STAT4: variants seen among roughly 807,000 people sequenced by gnomAD.
STAT4 encodes the protein signal transducer and activator of transcription 4.
A neutral mutation model predicts 110.5 loss-of-function variants in STAT4; 42 were observed. That is an observed-to-expected ratio of 0.38 (90% CI 0.30 to 0.49). The LOEUF is 0.49. Ranked by LOEUF, STAT4 falls within the 20% of genes least tolerant of loss-of-function variation. STAT4 has a pLI of 0.95. For synonymous variants in STAT4, 284 were observed against 302.2 expected, an observed-to-expected ratio of 0.94 and a Z score of 0.63; for missense variants, 632 against 887.9, an observed-to-expected ratio of 0.71 and a Z score of 3.66.
chr2:191,039,305 G>A lies in STAT4; in HGVS notation c.1336-8C>T. On this transcript the variant is annotated splice_region_variant and splice_polypyrimidine_tract_variant and intron_variant, in intron 15 of 23. Transcript: ENST00000392320. This position sits in a 1 kb window ranked among gnomAD's most constrained non-coding sequence, Gnocchi z 4.7. Reference sequence around the variant, plus strand: ...CACAGGCAATGAGCTGGTCTGGTTTGGGGGGAAAAAAGCATAGTTATTACA... The same window carrying A: ...CACAGGCAATGAGCTGGTCTGGTTTAGGGGGAAAAAAGCATAGTTATTACA... The A allele has an allele frequency of 6.2e-7, 1 of 1,613,208 alleles. No homozygotes were observed. Among genetic ancestry groups the A allele is most frequent in the Non-Finnish European group, 8.5e-7 (1 of 1,179,262 alleles).
intron 14 of STAT4, among the ~76,000 whole-genome samples, chr2:191,045,606 C>G (rs765331875): frequency 1.7e-4 from 26 of 152,184 alleles, no homozygotes; most frequent in Non-Finnish European, 3.2e-4. Flanking sequence ...ATTACTAAGT[C>G]AGAATCCTGT....
At chr2:191,131,679 G>T in intron 3 of STAT4, 1 of 904,234 alleles carries the variant, frequency 1.1e-6, no homozygotes, top group Non-Finnish European at 1.5e-6. Context: ...GTAACATCTG[G>T]GTATAAAATG....
rs866382126 is a variant in STAT4 at position 191,070,363 on chromosome 2, T to A, written c.466-592A>T. On this transcript the variant is annotated intron_variant, in intron 5 of 23. Coordinates refer to ENST00000392320, the MANE Select transcript of STAT4 (RefSeq NM_003151.4). ...TCAAGATCTGGGCTAAAGGCTTTTT[T>A]ATATTATCTCCTTTAGTCTTCACAA... 5.3e-5 allele frequency among the ~76,000 whole-genome samples: 8 copies of A among 152,186 alleles called. 1 individual carries two copies. The highest frequency in any genetic ancestry group is 1.9e-4 in the African/African-American group (8 of 41,444).
rs1574146374 is a variant in STAT4, at chr2:191,091,629, T to C, written c.274-15304A>G. ...GACAGAAAATGTCTGACAACAGCTATGATAGTCACAAAGGCTAATTTCTTA... is the reference window on the plus strand; with the variant it reads ...GACAGAAAATGTCTGACAACAGCTACGATAGTCACAAAGGCTAATTTCTTA... On this transcript the variant is annotated intron_variant, in intron 3 of 23. Coordinates refer to ENST00000392320, the MANE Select transcript of STAT4 (RefSeq NM_003151.4). The surrounding 1 kb of genome is among the most constrained non-coding windows in gnomAD (Gnocchi z 5.4). 6.6e-6 allele frequency among the ~76,000 whole-genome samples: 1 copy of C among 152,206 alleles called. No homozygotes were observed. The highest frequency in any genetic ancestry group is 6.5e-5 in the Admixed American group (1 of 15,282).
chr2:191,110,192 A>G lies in STAT4; in HGVS notation c.274-33867T>C, dbSNP rs1228276043. On this transcript the variant is annotated intron_variant, in intron 3 of 23. Coordinates refer to ENST00000392320, the MANE Select transcript of STAT4 (RefSeq NM_003151.4). This position sits in a 1 kb window ranked among gnomAD's most constrained non-coding sequence, Gnocchi z 4.5. ...AAACCATTCCTCAGTCTGCACAAAC[A>G]TAGATTTGTGTTGATGTCAGTGCTA... Among the ~76,000 whole-genome samples, 1 of 152,088 alleles carries G rather than the reference A, an allele frequency of 6.6e-6. No individual in the cohort carries two copies. Among genetic ancestry groups the G allele is most frequent in the East Asian group, 1.9e-4 (1 of 5,178 alleles).
chr2:191,041,851 C>T (rs1337041820), intron 14 of STAT4, among the ~76,000 whole-genome samples: 1 of 152,172 alleles, frequency 6.6e-6, no homozygotes, highest in Admixed American at 6.5e-5. Context: ...GACCTGGGCA[C>T]AGGAGGGAGG....
intron 13 of STAT4, among the ~76,000 whole-genome samples, chr2:191,056,311 A>T (rs1050007648): frequency 2.0e-5 from 3 of 152,222 alleles, no homozygotes; most frequent in Non-Finnish European, 2.9e-5. Flanking sequence ...CTTAAGAATT[A>T]TGCAGAATTA....
chr2:191,050,028 T>C lies in STAT4; in HGVS notation c.1251+4462A>G, dbSNP rs1367651385. On this transcript the variant is annotated intron_variant, in intron 14 of 23. Transcript: ENST00000392320. This position sits in a 1 kb window ranked among gnomAD's most constrained non-coding sequence, Gnocchi z 4.3. Reference sequence around the variant, plus strand: ...ACATCTGTTTGGCTATTTTGTTAAATGAAACTCAAGTCACCCAGGCTTTAC... The same window carrying C: ...ACATCTGTTTGGCTATTTTGTTAAACGAAACTCAAGTCACCCAGGCTTTAC... Among the ~76,000 whole-genome samples, 3 of 152,196 alleles carry C rather than the reference T, an allele frequency of 2.0e-5. No individual in the cohort carries two copies.
rs957417172 is a variant in STAT4, at chr2:191,113,498, G to T, written c.273+33115C>A. ...ATGAAACAGCATTGGATATAAATAT[G>T]CTCAGAAACTTATACAAGGTAGTCA... On this transcript the variant is annotated intron_variant, in intron 3 of 23. Coordinates refer to ENST00000392320, the MANE Select transcript of STAT4 (RefSeq NM_003151.4). This position sits in a 1 kb window ranked among gnomAD's most constrained non-coding sequence, Gnocchi z 4.8. Among the ~76,000 whole-genome samples the T allele has an allele frequency of 1.3e-5, 2 of 152,204 alleles. No homozygotes were observed. Among genetic ancestry groups the T allele is most frequent in the African/African-American group, 4.8e-5 (2 of 41,454 alleles).
intron 14 of STAT4, among the ~76,000 whole-genome samples, chr2:191,047,758 C>T (rs377445453): frequency 2.5e-4 from 38 of 152,228 alleles, no homozygotes; most frequent in South Asian, 1.0e-3. Flanking sequence ...CTCCACCTCC[C>T]GGGTTCAAGC....
At chr2:191,080,150 A>C (rs543717456) in intron 3 of STAT4, among the ~76,000 whole-genome samples, 2 of 152,214 alleles carry the variant, frequency 1.3e-5, no homozygotes, top group African/African-American at 4.8e-5. Flanking sequence ...TATCTCTAGT[A>C]ATGCTTTTTG....
Position 191,135,352 on chromosome 2 carries a change from A to G in STAT4, c.273+11261T>C, listed in dbSNP as rs898117642. 1.3e-5 allele frequency among the ~76,000 whole-genome samples: 2 copies of G among 152,230 alleles called. No individual in the cohort carries two copies. On this transcript the variant is annotated intron_variant, in intron 3 of 23. Coordinates refer to ENST00000392320, the MANE Select transcript of STAT4 (RefSeq NM_003151.4). The surrounding 1 kb of genome is among the most constrained non-coding windows in gnomAD (Gnocchi z 4.8). ...CAACCTAGCAAGATTGAATCAGGAA[A>G]AAAGCCCAAAAAGACCTGAACAGAC...
At chr2:191,125,476 T>TTTATTATTAATTATTATTA (rs1553515780) in intron 3 of STAT4, among the ~76,000 whole-genome samples, 1 of 138,002 alleles carries the variant, frequency 7.2e-6, no homozygotes, top group African/African-American at 2.6e-5. Flanking sequence ...ATCCTCATTA[T>TTTATTATTAATTATTATTA]TTATTATTAT....
intron 4 of STAT4, among the ~76,000 whole-genome samples, chr2:191,074,737 T>C (rs1203591168): frequency 2.0e-5 from 3 of 152,216 alleles, no homozygotes; most frequent in Non-Finnish European, 4.4e-5. Flanking sequence ...CTTACTATAG[T>C]TTTAATATTA....
chr2:191,064,953 A>C lies in STAT4; in HGVS notation c.636T>G (p.Ala212=). 6.3e-7 allele frequency: 1 copy of C among 1,598,570 alleles called. No individual in the cohort carries two copies. Among genetic ancestry groups the C allele is most frequent in the Non-Finnish European group, 8.5e-7 (1 of 1,173,542 alleles). The change falls in exon 8 of 24, where the codon GCT becomes GCG. Residue 212 remains alanine (A), a synonymous_variant. Transcript: ENST00000392320. ...GGATGATTTGGGTCATTTTACTGAG[A>C]GCCTCCTAAAAACAAAGGGGACTAC... The part of the protein sequence containing the change: ...LNSLDFKRKE[A]LSKMTQIIHE...
Position 191,146,076 on chromosome 2 carries a change from C to T in STAT4, c.273+537G>A, listed in dbSNP as rs533926467. Among the ~76,000 whole-genome samples the T allele has an allele frequency of 6.6e-6, 1 of 152,102 alleles. No individual in the cohort carries two copies. The highest frequency in any genetic ancestry group is 1.5e-5 in the Non-Finnish European group (1 of 68,020). On this transcript the variant is annotated intron_variant, in intron 3 of 23. Coordinates refer to ENST00000392320, the MANE Select transcript of STAT4 (RefSeq NM_003151.4). This position sits in a 1 kb window ranked among gnomAD's most constrained non-coding sequence, Gnocchi z 4.5. ...AAACACATAGAAATAGCAATAATGT[C>T]GAATATACTAAATGCCACAGTATCG...
intron 14 of STAT4, chr2:191,041,423 A>T (rs1696195361): frequency 5.9e-6 from 1 of 169,390 alleles, no homozygotes; most frequent in South Asian, 2.0e-4. Context: ...GTTGAAATTT[A>T]GACAAGTTTT....
In STAT4 at chr2:191,082,944, T is replaced by C. The variant is rs542896034; in HGVS notation, c.274-6619A>G. Among the ~76,000 whole-genome samples the C allele has an allele frequency of 1.3e-5, 2 of 152,098 alleles. No individual in the cohort carries two copies. Among genetic ancestry groups the C allele is most frequent in the South Asian group, 4.1e-4 (2 of 4,828 alleles). On this transcript the variant is annotated intron_variant, in intron 3 of 23. Coordinates refer to ENST00000392320, the MANE Select transcript of STAT4 (RefSeq NM_003151.4). This position sits in a 1 kb window ranked among gnomAD's most constrained non-coding sequence, Gnocchi z 4.7. ...TACCACATTTAACAAATTTCTTCTG[T>C]ATTGTGAAGGATTTTTCAGATGATG...
In STAT4 at chr2:191,037,351, G is replaced by A. The variant is rs540569383; in HGVS notation, c.1435-1052C>T. Among the ~76,000 whole-genome samples the A allele has an allele frequency of 2.6e-5, 4 of 152,078 alleles. No individual in the cohort carries two copies. The highest frequency in any genetic ancestry group is 7.2e-5 in the African/African-American group (3 of 41,476). ...AAAACAAAAACAGAGAAATGATCTCGCTCTGTTGCTCAAGCTGGACTTGAA... is the reference window on the plus strand; with the variant it reads ...AAAACAAAAACAGAGAAATGATCTCACTCTGTTGCTCAAGCTGGACTTGAA... On this transcript the variant is annotated intron_variant, in intron 16 of 23. Coordinates refer to ENST00000392320, the MANE Select transcript of STAT4 (RefSeq NM_003151.4). This position sits in a 1 kb window ranked among gnomAD's most constrained non-coding sequence, Gnocchi z 4.8.
Sources: gnomAD v4.1 joint callset for allele counts (sites outside exome capture counted in the v4.1 genomes callset) on GRCh38, gnomAD v4.1.1 for gene constraint, Gnocchi (gnomAD v3.1) non-coding constraint, MANE v1.5 for transcripts, NCBI Gene and HGNC (gene_info 2026-07-23, HGNC 2026-07-21) for gene names.